Variants in STAG1 observed in about 807,000 individuals in gnomAD.
STAG1 encodes the protein STAG1 cohesin complex component.
In STAG1, 26 loss-of-function variants were observed where a neutral mutation model predicts 170.9. The observed-to-expected ratio is 0.15, with a 90% confidence interval of 0.11 to 0.21. STAG1 has a LOEUF of 0.21. Ranked by LOEUF, STAG1 falls within the 10% of genes least tolerant of loss-of-function variation. The pLI is 1.00. For missense variants in STAG1, 964 were observed against 1,509.5 expected (o/e 0.64, Z 5.99); for synonymous variants, 514 against 497.7 (o/e 1.03, Z -0.44).
chr3:136,739,832 AT>A (rs1934566554), intron 1 of STAG1, among the ~76,000 whole-genome samples: 1 of 151,846 alleles, frequency 6.6e-6, no homozygotes, highest in African/African-American at 2.4e-5. Context: ...CTCAAAAAAA[AT>A]AATAATTATA....
rs1379061154 is a variant in STAG1, at chr3:136,357,743, A to C, written c.3042T>G (p.Leu1014=). The part of the protein sequence containing the change: ...LEVLSEFSSK[L]LRQDKKTVHS... Reference sequence around the variant, plus strand: ...ACACTGTCTTTTTGTCCTGTCGAAGAAGTTTAGAAGAAAATTCACTTAGTA... The same window carrying C: ...ACACTGTCTTTTTGTCCTGTCGAAGCAGTTTAGAAGAAAATTCACTTAGTA... The change falls in exon 28 of 34, where the codon CTT becomes CTG. Residue 1014 remains leucine, a synonymous_variant. Transcript: ENST00000383202. 6.2e-7 allele frequency: 1 copy of C among 1,604,274 alleles called. No individual in the cohort carries two copies. The highest frequency in any genetic ancestry group is 1.8e-5 in the Admixed American group (1 of 56,796).
intron 13 of STAG1, among the ~76,000 whole-genome samples, chr3:136,461,013 C>T (rs1046161918): frequency 2.6e-5 from 4 of 152,124 alleles, no homozygotes; most frequent in African/African-American, 9.7e-5. Context: ...ATATCAGGGA[C>T]ACAAAGATAG....
intron 5 of STAG1, among the ~76,000 whole-genome samples, chr3:136,547,071 G>A (rs541239199): frequency 1.3e-5 from 2 of 152,072 alleles, no homozygotes; most frequent in African/African-American, 2.4e-5. Flanking sequence ...AGAACTGGTT[G>A]GGTTTAGTAT....
At chr3:136,690,992 C>G (rs761932674) in intron 1 of STAG1, among the ~76,000 whole-genome samples, 3 of 151,470 alleles carry the variant, frequency 2.0e-5, no homozygotes, top group Non-Finnish European at 4.4e-5. Flanking sequence ...CATTTTCTTT[C>G]TTTTCACAAA....
At chr3:136,603,520 A>G (rs1268126442) in intron 4 of STAG1, among the ~76,000 whole-genome samples, 1 of 152,196 alleles carries the variant, frequency 6.6e-6, no homozygotes, top group African/African-American at 2.4e-5. Flanking sequence ...TATCCTTACA[A>G]TGCATTAGTG....
chr3:136,410,592 T>A (rs2087598907), intron 21 of STAG1, among the ~76,000 whole-genome samples: 1 of 152,116 alleles, frequency 6.6e-6, no homozygotes, highest in Non-Finnish European at 1.5e-5. Context: ...GTATCTCTGG[T>A]TTCATCATCA....
intron 4 of STAG1, among the ~76,000 whole-genome samples, chr3:136,597,387 T>C (rs1938478271): frequency 6.6e-6 from 1 of 152,180 alleles, no homozygotes; most frequent in South Asian, 2.1e-4. Context: ...ATTACCAAAA[T>C]AGTCTCCAAA....
intron 12 of STAG1, among the ~76,000 whole-genome samples, chr3:136,466,758 G>C (rs2089474341): frequency 1.3e-5 from 2 of 152,136 alleles, no homozygotes; most frequent in African/African-American, 4.8e-5. Context: ...AGAGAGAAAG[G>C]TCGGGTTACC....
chr3:136,587,906 T>C (rs1937924665), intron 4 of STAG1, among the ~76,000 whole-genome samples: 1 of 152,048 alleles, frequency 6.6e-6, no homozygotes, highest in Non-Finnish European at 1.5e-5. Flanking sequence ...GAGGTTGCAG[T>C]GAGCCAAGAT....
chr3:136,584,244 C>T (rs113116075), intron 4 of STAG1, among the ~76,000 whole-genome samples: 1 of 152,194 alleles, frequency 6.6e-6, no homozygotes, highest in Admixed American at 6.5e-5. Flanking sequence ...CTGGACTGGA[C>T]ACAATAAACT....
chr3:136,469,764 A>G (rs866952366), intron 12 of STAG1, among the ~76,000 whole-genome samples: 2 of 152,246 alleles, frequency 1.3e-5, no homozygotes, highest in Middle Eastern at 3.2e-3. Flanking sequence ...CCAAAACAGC[A>G]TGGTACTGGT....
chr3:136,521,169 T>C, intron 7 of STAG1, 44 bp downstream of exon 7: 1 of 1,480,698 alleles, frequency 6.8e-7, no homozygotes, highest in South Asian at 1.2e-5. Context: ...TAAAACATAG[T>C]CAACAAAACT....
chr3:136,454,286 G>C (rs966943655), intron 13 of STAG1, among the ~76,000 whole-genome samples: 2 of 151,854 alleles, frequency 1.3e-5, no homozygotes, highest in African/African-American at 4.8e-5. Flanking sequence ...CACCATGTTG[G>C]CCAGGCTGGT....
chr3:136,581,643 T>A (rs1473036959), intron 4 of STAG1, among the ~76,000 whole-genome samples: 1 of 152,136 alleles, frequency 6.6e-6, no homozygotes, highest in African/African-American at 2.4e-5. Context: ...ATATTAATAT[T>A]TTTGGACCCA....
chr3:136,730,855 G>A (rs550817024), intron 1 of STAG1, among the ~76,000 whole-genome samples: 1 of 152,262 alleles, frequency 6.6e-6, no homozygotes, highest in Admixed American at 6.5e-5. Context: ...TGAAGAGGTG[G>A]GCTATAGCAA....
chr3:136,554,080 G>T (rs1319410979), intron 5 of STAG1, among the ~76,000 whole-genome samples: 2 of 152,002 alleles, frequency 1.3e-5, no homozygotes, highest in African/African-American at 4.8e-5. Context: ...AAAGTGGTAG[G>T]TTTCATTAAT....
intron 1 of STAG1, among the ~76,000 whole-genome samples, chr3:136,745,429 G>A (rs1411177278): frequency 2.0e-5 from 3 of 152,172 alleles, no homozygotes; most frequent in Non-Finnish European, 4.4e-5. Flanking sequence ...GACCAGGTTC[G>A]TGGAAAAAAA....
chr3:136,374,384 A>C (rs1235627213), intron 23 of STAG1, among the ~76,000 whole-genome samples: 8 of 152,178 alleles, frequency 5.3e-5, no homozygotes, highest in Non-Finnish European at 8.8e-5. Flanking sequence ...TTGGGAGGCC[A>C]AGGTGGGAGG....
At chr3:136,427,677 T>A (rs1158898761) in intron 16 of STAG1, among the ~76,000 whole-genome samples, 3 of 150,148 alleles carry the variant, frequency 2.0e-5, no homozygotes, top group Non-Finnish European at 1.5e-5. Flanking sequence ...AAAAAAAAAA[T>A]TCTTAAAGCC....
Sources: gnomAD v4.1 joint callset for allele counts (sites outside exome capture counted in the v4.1 genomes callset) on GRCh38, gnomAD v4.1.1 for gene constraint, MANE v1.5 for transcripts, NCBI Gene and HGNC (gene_info 2026-07-23, HGNC 2026-07-21) for gene names.